Variants in KCNIP4 observed in about 807,000 individuals in gnomAD.
The protein encoded by KCNIP4 is potassium voltage-gated channel interacting protein 4.
In KCNIP4, 12 loss-of-function variants were observed where a neutral mutation model predicts 34.0. That is an observed-to-expected ratio of 0.35 (90% CI 0.23 to 0.57). The LOEUF is 0.57. Among genes scored for constraint, KCNIP4 ranks in the 20% least tolerant of loss-of-function variants. KCNIP4 has a pLI of 0.83. For missense variants in KCNIP4, 238 were observed against 311.7 expected (o/e 0.76, Z 1.78); for synonymous variants, 124 against 102.2 (o/e 1.21, Z -1.29).
At chr4:21,666,614 G>A (rs1237795616) in intron 1 of KCNIP4, among the ~76,000 whole-genome samples, 1 of 152,112 alleles carries the variant, frequency 6.6e-6, no homozygotes, top group African/African-American at 2.4e-5. Flanking sequence ...AGTTCAAAAG[G>A]AGATGATATC....
chr4:21,334,134 T>C (rs569854653), intron 1 of KCNIP4, among the ~76,000 whole-genome samples: 99 of 152,180 alleles, frequency 6.5e-4, no homozygotes, highest in African/African-American at 2.3e-3. Flanking sequence ...GGCATGGTGG[T>C]TGAGAGTTAA....
chr4:21,573,088 G>A (rs1370459889), intron 1 of KCNIP4, among the ~76,000 whole-genome samples: 1 of 152,134 alleles, frequency 6.6e-6, no homozygotes, highest in African/African-American at 2.4e-5. Context: ...TCCCAGGCAT[G>A]TTATTATTAT....
At chr4:21,327,672 A>G (rs143916608) in intron 1 of KCNIP4, among the ~76,000 whole-genome samples, 38 of 152,190 alleles carry the variant, frequency 2.5e-4, no homozygotes, top group Non-Finnish European at 4.6e-4. Context: ...TTCAAGGCCA[A>G]TAACTCAGAT....
intron 1 of KCNIP4, among the ~76,000 whole-genome samples, chr4:21,064,491 C>A (rs1015575381): frequency 4.0e-5 from 6 of 151,496 alleles, no homozygotes; most frequent in East Asian, 1.9e-4. Context: ...ACTATAAGTC[C>A]TGGATTTTAT....
At chr4:21,645,796 T>C (rs1309405471) in intron 1 of KCNIP4, among the ~76,000 whole-genome samples, 2 of 152,078 alleles carry the variant, frequency 1.3e-5, no homozygotes, top group African/African-American at 2.4e-5. Flanking sequence ...TGTCTCCTCC[T>C]GCCATGGGTA....
chr4:21,708,837 C>T (rs1231510833), intron 1 of KCNIP4, among the ~76,000 whole-genome samples: 1 of 152,082 alleles, frequency 6.6e-6, no homozygotes, highest in African/African-American at 2.4e-5. Context: ...ATTTGGTAAA[C>T]TTTTTACAAT....
chr4:21,424,930 T>G (rs1379440049), intron 1 of KCNIP4, among the ~76,000 whole-genome samples: 1 of 152,226 alleles, frequency 6.6e-6, no homozygotes, highest in African/African-American at 2.4e-5. Flanking sequence ...AATGTATTTT[T>G]TATTTTTCAA....
chr4:20,748,247 A>G (rs771535563), intron 5 of KCNIP4, among the ~76,000 whole-genome samples: 25 of 151,998 alleles, frequency 1.6e-4, no homozygotes, highest in Non-Finnish European at 3.2e-4. Context: ...TGTGTATTCT[A>G]TCTTCTTGAT....
intron 1 of KCNIP4, among the ~76,000 whole-genome samples, chr4:21,053,466 G>T (rs922023028): frequency 1.3e-5 from 2 of 152,154 alleles, no homozygotes; most frequent in African/African-American, 4.8e-5. Context: ...AACAAGGAAG[G>T]ATTCCTCTCT....
chr4:21,125,751 A>G (rs1016232687), intron 1 of KCNIP4, among the ~76,000 whole-genome samples: 1 of 152,160 alleles, frequency 6.6e-6, no homozygotes, highest in Non-Finnish European at 1.5e-5. Context: ...CAGGCCTCCA[A>G]CATAATAGTT....
At chr4:21,942,706 G>GAT (rs1730268665) in intron 1 of KCNIP4, among the ~76,000 whole-genome samples, 2 of 152,202 alleles carry the variant, frequency 1.3e-5, no homozygotes, top group Non-Finnish European at 2.9e-5. Context: ...ATGGGACAAC[G>GAT]TGATTTAATT....
At chr4:21,479,906 T>C (rs1197678572) in intron 1 of KCNIP4, among the ~76,000 whole-genome samples, 2 of 151,728 alleles carry the variant, frequency 1.3e-5, no homozygotes, top group Non-Finnish European at 2.9e-5. Context: ...ACGAGAATCA[T>C]TTAAGAAGTG....
intron 1 of KCNIP4, among the ~76,000 whole-genome samples, chr4:21,546,385 T>C (rs751046956): frequency 2.6e-5 from 4 of 152,080 alleles, no homozygotes; most frequent in Non-Finnish European, 5.9e-5. Context: ...CACAGGGAGT[T>C]TGAGCCCTAG....
intron 3 of KCNIP4, among the ~76,000 whole-genome samples, chr4:20,760,699 C>G (rs17623927): frequency 6.6e-6 from 1 of 152,096 alleles, no homozygotes; most frequent in Non-Finnish European, 1.5e-5. Context: ...TTGTTACACA[C>G]TAAGCCAGTG....
At chr4:21,112,245 G>T (rs562532941) in intron 1 of KCNIP4, among the ~76,000 whole-genome samples, 1 of 152,236 alleles carries the variant, frequency 6.6e-6, no homozygotes, top group Admixed American at 6.5e-5. Context: ...ATATTTTTAA[G>T]GATCTATCTT....
At chr4:21,443,689 C>G (rs1577368344) in intron 1 of KCNIP4, among the ~76,000 whole-genome samples, 1 of 152,106 alleles carries the variant, frequency 6.6e-6, no homozygotes, top group Non-Finnish European at 1.5e-5. Context: ...CCCCACCACA[C>G]TGGGAGCCTG....
chr4:21,632,794 G>T lies in KCNIP4; in HGVS notation c.61+315777C>A, dbSNP rs545446512. 2.0e-5 allele frequency among the ~76,000 whole-genome samples: 3 copies of T among 152,206 alleles called. No individual in the cohort carries two copies. The South Asian group carries it at 6.2e-4, about 32-fold the overall frequency. ...AGGGTATCTGGAGCAGGAGATGGAG[G>T]TCCAGCGTAAAGTAATGTCAGCTAA... is the stretch of plus-strand genomic sequence containing the variant. On this transcript the variant is annotated intron_variant, in intron 1 of 8. Coordinates refer to ENST00000382152, the MANE Select transcript of KCNIP4 (RefSeq NM_025221.6).
rs574689731 is a variant in KCNIP4 at position 21,330,054 on chromosome 4, T to A, written c.62-447345A>T. 5.3e-5 allele frequency among the ~76,000 whole-genome samples: 8 copies of A among 152,318 alleles called. No homozygotes were observed. In the South Asian group the frequency reaches 1.4e-3, roughly 28 times the overall value. ...TATTCAGACTTCATAAGCAAAAGCATACCTTCCTCTTTAGTCTAGTATATC... is the reference window on the plus strand; with the variant it reads ...TATTCAGACTTCATAAGCAAAAGCAAACCTTCCTCTTTAGTCTAGTATATC... On this transcript the variant is annotated intron_variant, in intron 1 of 8. Coordinates refer to ENST00000382152, the MANE Select transcript of KCNIP4 (RefSeq NM_025221.6).
At chr4:21,879,320 C>T (rs949274374) in intron 1 of KCNIP4, among the ~76,000 whole-genome samples, 1 of 152,156 alleles carries the variant, frequency 6.6e-6, no homozygotes, top group African/African-American at 2.4e-5. Context: ...CAAGCAAACC[C>T]CATGAACTGG....
Sources: allele counts gnomAD v4.1 joint callset (sites outside exome capture counted in the v4.1 genomes callset), GRCh38; gene constraint gnomAD v4.1.1; transcripts MANE v1.5; gene names NCBI Gene and HGNC (gene_info 2026-07-23, HGNC 2026-07-21).